Variants in TYSND1 observed in about 807,000 individuals in gnomAD.
The protein encoded by TYSND1 is peroxisomal leader peptide-processing protease.
TYSND1 carries 30 observed loss-of-function variants against 37.2 expected under a neutral mutation model. The ratio of observed to expected loss-of-function variants is 0.81; its 90% CI spans 0.60 to 1.09. The LOEUF (loss-of-function observed/expected upper bound fraction) is 1.09, where lower values mean the gene tolerates loss of function less well. Among genes scored for constraint, TYSND1 ranks in the 50% least tolerant of loss-of-function variants. The pLI, the probability that TYSND1 is intolerant of heterozygous loss-of-function variation, is 0.00. For synonymous variants in TYSND1, 364 were observed against 383.8 expected (o/e 0.95, Z 0.60); for missense variants, 806 against 817.4 (o/e 0.99, Z 0.17).
chr10:70,141,382 C>G (rs1464327217), intron 3 of TYSND1, among the ~76,000 whole-genome samples: 1 of 151,984 alleles, frequency 6.6e-6, no homozygotes, highest in Non-Finnish European at 1.5e-5. Context: ...ACTTCAGATT[C>G]CTGCAGAGCC....
rs1041491933 is a variant in TYSND1 at position 70,138,362 on chromosome 10, C to T, written c.*1562G>A. 24 of 152,260 alleles carry T rather than the reference C, an allele frequency of 1.6e-4. No individual in the cohort carries two copies. Among genetic ancestry groups the T allele is most frequent in the African/African-American group, 5.8e-4 (24 of 41,462 alleles). 9.4% of individuals were successfully genotyped at this position (152,260 alleles called of 1,614,324 possible). A position where few individuals can be genotyped will look rare whatever the true frequency, so the allele number is the denominator to read the frequency against. Reference sequence around the variant, plus strand: ...AACAAGGACTATGAGAGTTACGAGTCAGGAATGCTGGATGAAAACCAATAT... The same window carrying T: ...AACAAGGACTATGAGAGTTACGAGTTAGGAATGCTGGATGAAAACCAATAT... On this transcript the variant is annotated 3_prime_UTR_variant, in exon 4 of 4. Transcript: ENST00000287078.
chr10:70,140,010 G>C lies in TYSND1; in HGVS notation c.1615C>G (p.Arg539Gly). The C allele has an allele frequency of 1.2e-6, 2 of 1,614,220 alleles. No homozygotes were observed. The highest frequency in any genetic ancestry group is 1.7e-6 in the Non-Finnish European group (2 of 1,180,020). The change falls in exon 4 of 4, where the codon CGT (arginine) becomes GGT (glycine). Residue 539 changes from arginine to glycine, a missense_variant. Physicochemically the swap from Arg to Gly is moderately radical, Grantham distance 125. Transcript: ENST00000287078. ...YSQTQDLGGL[R>G]ELDRAAEPVR... ...GGCTCAGCAGCGCGGTCCAGCTCAC[G>C]GAGGCCACCTAGGTCTTGGGTCTGG...
chr10:70,139,837 C>T lies in TYSND1; in HGVS notation c.*87G>A. 1 of 1,361,696 alleles carries T rather than the reference C, an allele frequency of 7.3e-7. No homozygotes were observed. The highest frequency in any genetic ancestry group is 1.0e-6 in the Non-Finnish European group (1 of 989,168). 84.4% of individuals were successfully genotyped at this position (1,361,696 alleles called of 1,614,324 possible). A position where few individuals can be genotyped will look rare whatever the true frequency, so the allele number is the denominator to read the frequency against. On this transcript the variant is annotated 3_prime_UTR_variant, in exon 4 of 4. Transcript: ENST00000287078. Reference sequence around the variant, plus strand: ...AGCCTGGGCCCCTGCAGGGGCTGGGCCCTGAATCCTGAGGCCACCGTCACC... The same window carrying T: ...AGCCTGGGCCCCTGCAGGGGCTGGGTCCTGAATCCTGAGGCCACCGTCACC...
At chr10:70,145,185 G>A (rs902635832) in intron 1 of TYSND1, among the ~76,000 whole-genome samples, 9 of 152,102 alleles carry the variant, frequency 5.9e-5, no homozygotes, top group African/African-American at 1.9e-4. Flanking sequence ...CCGGATTCAG[G>A]GTGTCCCACA....
At position 70,139,270 on chromosome 10, in the gene TYSND1, C is replaced by T. The variant is rs568742163; in HGVS notation, c.*654G>A. On this transcript the variant is annotated 3_prime_UTR_variant, in exon 4 of 4. Coordinates refer to ENST00000287078, the MANE Select transcript of TYSND1 (RefSeq NM_173555.4). The stretch of plus-strand genomic sequence containing the variant: ...AGACATGTTCTACCCCTCAAGATCC[C>T]TGAGACCCAGGCTGTGGGCTGGAAA... 6.5e-6 allele frequency: 1 copy of T among 152,782 alleles called. No individual in the cohort carries two copies. The highest frequency in any genetic ancestry group is 1.9e-4 in the East Asian group (1 of 5,182). The allele number at this position is 152,782 out of a possible 1,614,324, so 9.5% of individuals were successfully genotyped here.
In TYSND1 at chr10:70,140,204, A is replaced by G. The variant is rs1308568768; in HGVS notation, c.1484-63T>C. 4 of 1,396,820 alleles carry G rather than the reference A, an allele frequency of 2.9e-6. No homozygotes were observed. In the African/African-American group the frequency reaches 5.7e-5, roughly 20 times the overall value. The allele number at this position is 1,396,820 out of a possible 1,614,324, so 86.5% of individuals were successfully genotyped here. A position where few individuals can be genotyped will look rare whatever the true frequency, so the allele number is the denominator to read the frequency against. On this transcript the variant is annotated intron_variant, in intron 3 of 3. Transcript: ENST00000287078. The stretch of plus-strand genomic sequence containing the variant: ...AGGGGGCAGAAAGGCTGGAGAAGGG[A>G]GGAGGACCATCTCCACCCTGGAGCC...
rs2072800994 is a variant in TYSND1 at position 70,142,699 on chromosome 10, G to A, written c.1452C>T (p.Pro484=). 2 of 1,604,556 alleles carry A rather than the reference G, an allele frequency of 1.2e-6. No homozygotes were observed. Among genetic ancestry groups the A allele is most frequent in the Non-Finnish European group, 1.7e-6 (2 of 1,175,638 alleles). The change falls in exon 3 of 4, where the codon CCC becomes CCT. Residue 484 remains proline (P), a synonymous_variant. Transcript: ENST00000287078. ...CAVHSGSSGG[P]LFSNHSGNLL... ...GGTTTCCTGAGTGGTTGGAGAAGAG[G>A]GGTCCCCCACTGGAGCCGCTGTGCA...
rs928605935 is a variant in TYSND1 at position 70,146,282 on chromosome 10, C to A, written c.305G>T (p.Arg102Leu). ...GCACTGGGGCGTGCACAGCCCTGGGCGGCCCCGCTCCGCGCCGCCCCCGGG... is the reference window on the plus strand; with the variant it reads ...GCACTGGGGCGTGCACAGCCCTGGGAGGCCCCGCTCCGCGCCGCCCCCGGG... Reference protein sequence around the residue: ...AGPGGGAERGRPGLCTPQCAS... With the variant: ...AGPGGGAERGLPGLCTPQCAS... The change falls in exon 1 of 4, where the codon CGC becomes CTC. Residue 102 changes from arginine (R) to leucine (L), a missense_variant. Arg to Leu is a moderately radical substitution (Grantham distance 102). Transcript: ENST00000287078. 5 of 1,467,854 alleles carry A rather than the reference C, an allele frequency of 3.4e-6. No individual in the cohort carries two copies. In the African/African-American group the frequency reaches 5.8e-5, roughly 17 times the overall value. 90.9% of individuals were successfully genotyped at this position (1,467,854 alleles called of 1,614,324 possible).
rs535376729 is a variant in TYSND1, at chr10:70,146,607, G to A, written c.-21C>T. ...CTCATGGCCTCTAGGCCGGACACTC[G>A]GGAGCTTCTCCGAGAAACAGCAAGC... On this transcript the variant is annotated 5_prime_UTR_variant, in exon 1 of 4. Coordinates refer to ENST00000287078, the MANE Select transcript of TYSND1 (RefSeq NM_173555.4). 103 of 1,488,840 alleles carry A rather than the reference G, an allele frequency of 6.9e-5. No individual in the cohort carries two copies. Among genetic ancestry groups the A allele is most frequent in the Non-Finnish European group, 8.2e-5 (92 of 1,126,098 alleles). 92.2% of individuals were successfully genotyped at this position (1,488,840 alleles called of 1,614,324 possible). A position where few individuals can be genotyped will look rare whatever the true frequency, so the allele number is the denominator to read the frequency against.
chr10:70,140,041 C>CTGCT lies in TYSND1; in HGVS notation c.1580_1583dup (p.Tyr529AlafsTer13), dbSNP rs1454792694. ...CACCTAGGTCTTGGGTCTGGCTGTA[C>CTGCT]TGCTGCAGGGCCGGCTGGAGCACCG... On this transcript the variant is annotated frameshift_variant, in exon 4 of 4. Transcript: ENST00000287078. LOFTEE classifies it high-confidence loss of function. 6.2e-7 allele frequency: 1 copy of CTGCT among 1,614,196 alleles called. No individual in the cohort carries two copies. The highest frequency in any genetic ancestry group is 8.5e-7 in the Non-Finnish European group (1 of 1,180,008).
chr10:70,139,872 C>A lies in TYSND1; in HGVS notation c.*52G>T. Reference sequence around the variant, plus strand: ...TGAGGCCACCGTCACCTCAACATCACTTCCTACAGCAGAAAAAGGTCACTC... The same window carrying A: ...TGAGGCCACCGTCACCTCAACATCAATTCCTACAGCAGAAAAAGGTCACTC... On this transcript the variant is annotated 3_prime_UTR_variant, in exon 4 of 4. Transcript: ENST00000287078. The A allele has an allele frequency of 6.4e-7, 1 of 1,556,080 alleles. No homozygotes were observed. The highest frequency in any genetic ancestry group is 8.7e-7 in the Non-Finnish European group (1 of 1,143,332).
rs1839167336 is a variant in TYSND1, at chr10:70,145,422, T to TG, written c.1164dup (p.Lys389GlnfsTer20). The TG allele has an allele frequency of 7.0e-7, 1 of 1,426,588 alleles. No homozygotes were observed. Among genetic ancestry groups the TG allele is most frequent in the South Asian group, 1.6e-5 (1 of 63,612 alleles). 88.4% of individuals were successfully genotyped at this position (1,426,588 alleles called of 1,614,324 possible). A position where few individuals can be genotyped will look rare whatever the true frequency, so the allele number is the denominator to read the frequency against. ...GTGGCGTCAGCCCTGCGGGCTTACT[T>TG]GGGGGTGGTGGAGCGCACCAGGACC... On this transcript the variant is annotated frameshift_variant and splice_region_variant, in exon 1 of 4. Coordinates refer to ENST00000287078, the MANE Select transcript of TYSND1 (RefSeq NM_173555.4). LOFTEE classifies it high-confidence loss of function.
chr10:70,146,111 CA>C lies in TYSND1; in HGVS notation c.475del (p.Trp159GlyfsTer21). 6.4e-7 allele frequency: 1 copy of C among 1,567,904 alleles called. No individual in the cohort carries two copies. Among genetic ancestry groups the C allele is most frequent in the Non-Finnish European group, 8.6e-7 (1 of 1,157,676 alleles). On this transcript the variant is annotated frameshift_variant, in exon 1 of 4. Coordinates refer to ENST00000287078, the MANE Select transcript of TYSND1 (RefSeq NM_173555.4). LOFTEE classifies it high-confidence loss of function. ...ATCCCGCGCCGCGCTCGAGAAGCGC[CA>C]CTGTTCCGCTGCCTCGTCCCCGAAG... ...RLFGDEAAEQ[W>X]RFSSAARDDE...
At chr10:70,142,634 T>C (rs1376161777) in intron 3 of TYSND1, 34 bp downstream of exon 3, 2 of 1,134,144 alleles carry the variant, frequency 1.8e-6, no homozygotes, top group Non-Finnish European at 2.3e-6. Context: ...TTCTGGCAAG[T>C]GGGAGGGCGG....
At chr10:70,144,020 T>C (rs754351035) in intron 1 of TYSND1, 48 bp from the exon 2 acceptor site, 4 of 1,610,580 alleles carry the variant, frequency 2.5e-6, no homozygotes, top group Non-Finnish European at 3.4e-6. Flanking sequence ...GACTCCTCAG[T>C]ACTTGGGAGA....
chr10:70,145,464 G>A lies in TYSND1; in HGVS notation c.1123C>T (p.Pro375Ser). Residue 375 changes from proline to serine, a missense_variant, in exon 1 of 4, where the codon CCT becomes TCT. By Grantham distance (74) the Pro-to-Ser change is moderately conservative. Transcript: ENST00000287078. ...ACCAGGACCCTGGCTGCTTCCCGAG[G>A]GGACACGTGCCGACAGGTCACTACA... is the stretch of plus-strand genomic sequence containing the variant. The part of the protein sequence containing the change: ...RLVVTCRHVS[P>S]REAARVLVRS... The A allele has an allele frequency of 6.7e-7, 1 of 1,482,558 alleles. No homozygotes were observed. Among genetic ancestry groups the A allele is most frequent in the Non-Finnish European group, 8.9e-7 (1 of 1,118,470 alleles). The allele number at this position is 1,482,558 out of a possible 1,614,324, so 91.8% of individuals were successfully genotyped here. A position where few individuals can be genotyped will look rare whatever the true frequency, so the allele number is the denominator to read the frequency against.
In TYSND1 at chr10:70,146,400, C is replaced by G; in HGVS notation, c.187G>C (p.Val63Leu). 1.9e-6 allele frequency: 3 copies of G among 1,592,556 alleles called. No homozygotes were observed. Among genetic ancestry groups the G allele is most frequent in the Non-Finnish European group, 2.6e-6 (3 of 1,174,672 alleles). Residue 63 changes from valine to leucine, a missense_variant, in exon 1 of 4, where the codon GTC (valine) becomes CTC (leucine). Coordinates refer to ENST00000287078, the MANE Select transcript of TYSND1 (RefSeq NM_173555.4). ...FVPFLRAGSE[V>L]LTAAGAVFLP... is the part of the protein sequence containing the mutation. ...AAGACGGCGCCGGCCGCGGTCAGGA[C>G]TTCGCTGCCAGCTCGCAGGAAGGGG... is the stretch of plus-strand genomic sequence containing the variant.
In TYSND1 at chr10:70,139,765, C is replaced by A; in HGVS notation, c.*159G>T. 1.4e-6 allele frequency: 1 copy of A among 704,392 alleles called. No individual in the cohort carries two copies. The allele number at this position is 704,392 out of a possible 1,614,324, so 43.6% of individuals were successfully genotyped here. On this transcript the variant is annotated 3_prime_UTR_variant, in exon 4 of 4. Transcript: ENST00000287078. Reference sequence around the variant, plus strand: ...CCATGGGGCTGAAGAGAAGTTTGCCCCAGAGCCCAAAGCCCAGTCTGCAGT... The same window carrying A: ...CCATGGGGCTGAAGAGAAGTTTGCCACAGAGCCCAAAGCCCAGTCTGCAGT...
At position 70,145,783 on chromosome 10, in the gene TYSND1, G is replaced by A. The variant is rs1283101998; in HGVS notation, c.804C>T (p.Thr268=). The A allele has an allele frequency of 6.8e-7, 1 of 1,468,948 alleles. No homozygotes were observed. The highest frequency in any genetic ancestry group is 8.9e-7 in the Non-Finnish European group (1 of 1,118,464). 91.0% of individuals were successfully genotyped at this position (1,468,948 alleles called of 1,614,324 possible). A position where few individuals can be genotyped will look rare whatever the true frequency, so the allele number is the denominator to read the frequency against. ...LPGTEGGGVF[T]ARPAGALVAL... Reference sequence around the variant, plus strand: ...CCACCAGCGCCCCCGCGGGCCGCGCGGTGAACACGCCGCCGCCCTCGGTGC... The same window carrying A: ...CCACCAGCGCCCCCGCGGGCCGCGCAGTGAACACGCCGCCGCCCTCGGTGC... The change falls in exon 1 of 4, where the codon ACC becomes ACT. Residue 268 remains threonine (T), a synonymous_variant. Transcript: ENST00000287078.
Sources: gnomAD v4.1 joint callset for allele counts (sites outside exome capture counted in the v4.1 genomes callset) on GRCh38, gnomAD v4.1.1 for gene constraint, MANE v1.5 for transcripts, NCBI Gene and HGNC (gene_info 2026-07-23, HGNC 2026-07-21) for gene names.